Variants in CADM1 observed in about 807,000 individuals in gnomAD.
CADM1 encodes cell adhesion molecule 1.
A neutral mutation model predicts 53.1 loss-of-function variants in CADM1; 15 were observed. The ratio of observed to expected loss-of-function variants is 0.28; its 90% CI spans 0.19 to 0.44. The LOEUF (loss-of-function observed/expected upper bound fraction) is 0.44, where lower values mean the gene tolerates loss of function less well. Among genes scored for constraint, CADM1 ranks in the 20% least tolerant of loss-of-function variants. The pLI, the probability that CADM1 is intolerant of heterozygous loss-of-function variation, is 1.00. For missense variants in CADM1, 434 were observed against 611.3 expected, an observed-to-expected ratio of 0.71 and a Z score of 3.06; for synonymous variants, 281 against 243.0, an observed-to-expected ratio of 1.16 and a Z score of -1.45.
chr11:115,180,064 T>C (rs1939235182), intron 10 of CADM1, among the ~76,000 whole-genome samples: 2 of 152,174 alleles, frequency 1.3e-5, no homozygotes, highest in South Asian at 4.1e-4. Context: ...ATATTTGAAG[T>C]TTATCGATCA....
chr11:115,175,012 C>T lies in CADM1; in HGVS notation c.*1462G>A. ...TGATTTTAGTAGCTATGCACTATGGCTGCCATCATGCGAGGATCAGTAATT... is the reference window on the plus strand; with the variant it reads ...TGATTTTAGTAGCTATGCACTATGGTTGCCATCATGCGAGGATCAGTAATT... On this transcript the variant is annotated 3_prime_UTR_variant, in exon 12 of 12. Coordinates refer to ENST00000331581, the MANE Select transcript of CADM1 (RefSeq NM_001301043.2). 1 of 985,864 alleles carries T rather than the reference C, an allele frequency of 1.0e-6. No homozygotes were observed. Among genetic ancestry groups the T allele is most frequent in the South Asian group, 4.7e-5 (1 of 21,286 alleles). The allele number at this position is 985,864 out of a possible 1,614,324, so 61.1% of individuals were successfully genotyped here.
intron 1 of CADM1, among the ~76,000 whole-genome samples, chr11:115,420,394 A>C (rs993780876): frequency 1.3e-4 from 20 of 152,156 alleles, no homozygotes; most frequent in African/African-American, 4.8e-4. Context: ...GTGTATTGAT[A>C]ATTGACTCAG....
intron 8 of CADM1, among the ~76,000 whole-genome samples, chr11:115,199,426 T>G (rs1259942180): frequency 6.6e-6 from 1 of 152,194 alleles, no homozygotes; most frequent in Non-Finnish European, 1.5e-5. Context: ...TTTTTCTTCT[T>G]CTATTTCTGA....
At chr11:115,410,100 C>T (rs567754269) in intron 1 of CADM1, among the ~76,000 whole-genome samples, 3 of 152,234 alleles carry the variant, frequency 2.0e-5, no homozygotes, top group African/African-American at 7.2e-5. Flanking sequence ...CTTGGGCCAT[C>T]CCCAACATCC....
At chr11:115,198,507 A>G in intron 8 of CADM1, 69 bp from the exon 9 acceptor site, 2 of 1,246,076 alleles carry the variant, frequency 1.6e-6, no homozygotes, top group Non-Finnish European at 2.3e-6. Context: ...AAAAGGGAAA[A>G]TGGAAAAAAA....
chr11:115,402,594 C>T (rs1317750182), intron 1 of CADM1, among the ~76,000 whole-genome samples: 1 of 151,994 alleles, frequency 6.6e-6, no homozygotes, highest in African/African-American at 2.4e-5. Context: ...AGCATTCCCA[C>T]AGAAAAATAG....
chr11:115,267,300 G>A, intron 1 of CADM1, among the ~76,000 whole-genome samples: 1 of 152,240 alleles, frequency 6.6e-6, no homozygotes, highest in East Asian at 1.9e-4. Flanking sequence ...CTTTCGATTT[G>A]TTTGGCTGGC....
intron 1 of CADM1, among the ~76,000 whole-genome samples, chr11:115,480,919 A>C (rs891795442): frequency 1.5e-4 from 23 of 150,360 alleles, no homozygotes; most frequent in African/African-American, 4.4e-4. Flanking sequence ...TCTTGCCCCC[A>C]CCCCTCTCAG....
intron 1 of CADM1, among the ~76,000 whole-genome samples, chr11:115,264,760 G>A (rs574998886): frequency 4.3e-4 from 65 of 152,284 alleles, no homozygotes; most frequent in Non-Finnish European, 8.8e-4. Flanking sequence ...AGGATGAAAC[G>A]AGACAATGAA....
intron 1 of CADM1, among the ~76,000 whole-genome samples, chr11:115,268,093 A>C (rs1943197358): frequency 1.3e-5 from 2 of 152,190 alleles, no homozygotes; most frequent in Admixed American, 6.5e-5. Context: ...TTGTTTTTCC[A>C]GTAGTGTTGA....
At chr11:115,196,819 ATCTC>A (rs1271616735) in intron 9 of CADM1, among the ~76,000 whole-genome samples, 1 of 152,118 alleles carries the variant, frequency 6.6e-6, no homozygotes, top group East Asian at 1.9e-4. Context: ...ATAGAATAAA[ATCTC>A]TCTAACTACA....
rs147412088 is a variant in CADM1 at position 115,215,668 on chromosome 11, G to A, written c.822-888C>T. ...GGAAAAAGCAAATTTCATAAGATTC[G>A]CCAAAGCTAAAAATGCATACACACC... On this transcript the variant is annotated intron_variant, in intron 6 of 11. Transcript: ENST00000331581. 2.2e-3 allele frequency among the ~76,000 whole-genome samples: 334 copies of A among 152,236 alleles called. 1 individual carries two copies. The highest frequency in any genetic ancestry group is 0.017 in the Middle Eastern group (5 of 292).
At chr11:115,226,755 G>C (rs1941624640) in intron 5 of CADM1, among the ~76,000 whole-genome samples, 1 of 152,186 alleles carries the variant, frequency 6.6e-6, no homozygotes, top group Non-Finnish European at 1.5e-5. Context: ...GAGTGCTTCA[G>C]GCATTTGAGG....
intron 8 of CADM1, among the ~76,000 whole-genome samples, chr11:115,208,506 TG>T: frequency 6.6e-6 from 1 of 152,024 alleles, no homozygotes; most frequent in East Asian, 1.9e-4. Flanking sequence ...CCATGAAGGG[TG>T]GGGAGTCAAA....
chr11:115,372,148 T>C (rs573330746), intron 1 of CADM1, among the ~76,000 whole-genome samples: 24 of 152,298 alleles, frequency 1.6e-4, no homozygotes, highest in African/African-American at 5.5e-4. Context: ...CTTCACAGAA[T>C]TCAATGCCAA....
chr11:115,378,577 A>C (rs539152598), intron 1 of CADM1, among the ~76,000 whole-genome samples: 1 of 152,330 alleles, frequency 6.6e-6, no homozygotes, highest in African/African-American at 2.4e-5. Flanking sequence ...AGGGGTCAGC[A>C]AACTAAGGCC....
chr11:115,240,571 A>G (rs1257244827), intron 1 of CADM1, 151 bp from the exon 2 acceptor site: 1 of 804,904 alleles, frequency 1.2e-6, no homozygotes, highest in South Asian at 1.5e-5. Flanking sequence ...TGTAGTCTAC[A>G]AAACGAGTCT....
intron 9 of CADM1, chr11:115,194,086 G>C (rs965223078): frequency 1.1e-4 from 16 of 152,216 alleles, no homozygotes; most frequent in African/African-American, 3.9e-4. Context: ...AGGTCCTGCA[G>C]CCATTCGTAA....
intron 5 of CADM1, among the ~76,000 whole-genome samples, chr11:115,221,519 G>A (rs1312887840): frequency 1.3e-5 from 2 of 152,014 alleles, no homozygotes; most frequent in Non-Finnish European, 2.9e-5. Flanking sequence ...CTCTATAAAG[G>A]GAAAAAATAT....
Sources: allele counts gnomAD v4.1 joint callset (sites outside exome capture counted in the v4.1 genomes callset), GRCh38; gene constraint gnomAD v4.1.1; transcripts MANE v1.5; gene names NCBI Gene and HGNC (gene_info 2026-07-23, HGNC 2026-07-21).